FAM110B: variants seen among roughly 807,000 people sequenced by gnomAD.
FAM110B encodes the protein protein FAM110B.
A neutral mutation model predicts 20.4 loss-of-function variants in FAM110B; 6 were observed. That is an observed-to-expected ratio of 0.29 (90% CI 0.16 to 0.58). The LOEUF (loss-of-function observed/expected upper bound fraction) is 0.58, where lower values mean the gene tolerates loss of function less well. FAM110B is among the 20% of genes least tolerant of loss of function. The pLI, the probability that FAM110B is intolerant of heterozygous loss-of-function variation, is 0.90. For synonymous variants in FAM110B, 226 were observed against 214.1 expected (o/e 1.06, Z -0.49); for missense variants, 434 against 498.2 (o/e 0.87, Z 1.23).
chr8:58,027,819 C>T lies in FAM110B; in HGVS notation c.-511-3787C>T, dbSNP rs893007955. Among the ~76,000 whole-genome samples, 6 of 152,112 alleles carry T rather than the reference C, an allele frequency of 3.9e-5. No homozygotes were observed. The East Asian group carries it at 7.7e-4, about 20-fold the overall frequency. On this transcript the variant is annotated intron_variant, in intron 1 of 3. Coordinates refer to ENST00000519262, the MANE Select transcript of FAM110B (RefSeq NM_001377989.1). ...GAGTAGTATTCCTTCGTGTGGTATA[C>T]CACAAATTGTTGATCCATTCACCAG...
intron 3 of FAM110B, among the ~76,000 whole-genome samples, chr8:58,125,051 T>G (rs140135323): frequency 1.1e-3 from 163 of 152,258 alleles, no homozygotes; most frequent in African/African-American, 3.8e-3. Flanking sequence ...AATTTGTACA[T>G]GAAAATATTA....
rs915815366 is a variant in FAM110B, at chr8:58,147,749, A to G, written c.*406A>G. 1.5e-5 allele frequency: 3 copies of G among 197,096 alleles called. No homozygotes were observed. The highest frequency in any genetic ancestry group is 5.4e-5 in the Admixed American group (1 of 18,454). 12.2% of individuals were successfully genotyped at this position (197,096 alleles called of 1,614,324 possible). On this transcript the variant is annotated 3_prime_UTR_variant, in exon 4 of 4. Transcript: ENST00000519262. ...TTTGAAATAAAAAGCCACTTTGCCT[A>G]CATGTGAGACTATTCCAGTGGGACA... is the stretch of plus-strand genomic sequence containing the variant.
intron 2 of FAM110B, among the ~76,000 whole-genome samples, chr8:58,038,904 G>T (rs1454544111): frequency 6.6e-6 from 1 of 152,206 alleles, no homozygotes; most frequent in African/African-American, 2.4e-5. Flanking sequence ...GTGTGTTTGT[G>T]TTTGCTCATT....
chr8:58,079,315 G>A (rs1409672043), intron 3 of FAM110B, among the ~76,000 whole-genome samples: 2 of 152,218 alleles, frequency 1.3e-5, no homozygotes, highest in African/African-American at 2.4e-5. Context: ...AAAGAAGCAG[G>A]GATTTTAGAT....
chr8:58,105,882 TTA>T (rs1285152302), intron 3 of FAM110B, among the ~76,000 whole-genome samples: 1 of 152,164 alleles, frequency 6.6e-6, no homozygotes, highest in African/African-American at 2.4e-5. Flanking sequence ...AATGAATTTT[TTA>T]AAAAGGATAG....
chr8:58,143,322 C>A (rs1178911480), intron 3 of FAM110B, among the ~76,000 whole-genome samples: 1 of 151,836 alleles, frequency 6.6e-6, no homozygotes. Context: ...TGTTTTTTTT[C>A]CTTCCCAGAG....
intron 1 of FAM110B, among the ~76,000 whole-genome samples, chr8:58,004,485 C>T (rs774871079): frequency 1.3e-5 from 2 of 152,240 alleles, no homozygotes; most frequent in Non-Finnish European, 2.9e-5. Flanking sequence ...TGGCTCATAC[C>T]TGTAATCCCA....
At chr8:58,040,168 T>C (rs941095024) in intron 2 of FAM110B, among the ~76,000 whole-genome samples, 6 of 152,082 alleles carry the variant, frequency 3.9e-5, no homozygotes, top group African/African-American at 9.7e-5. Flanking sequence ...TCAGCAATTT[T>C]TGAGTGAACG....
chr8:58,057,070 G>A (rs974697058), intron 2 of FAM110B, among the ~76,000 whole-genome samples: 19 of 152,240 alleles, frequency 1.2e-4, no homozygotes, highest in African/African-American at 4.6e-4. Context: ...GCTGCAGAGT[G>A]TAATTACCAC....
At chr8:58,023,936 A>G (rs1414590133) in intron 1 of FAM110B, among the ~76,000 whole-genome samples, 2 of 152,168 alleles carry the variant, frequency 1.3e-5, no homozygotes, top group African/African-American at 2.4e-5. Context: ...CTTTGCCACC[A>G]GGTGTATTTA....
intron 2 of FAM110B, among the ~76,000 whole-genome samples, chr8:58,054,430 C>A (rs990205951): frequency 5.9e-5 from 9 of 152,300 alleles, no homozygotes; most frequent in African/African-American, 1.9e-4. Context: ...CAGAATATTT[C>A]TATACTTCTC....
At chr8:58,046,668 T>C (rs1030420703) in intron 2 of FAM110B, among the ~76,000 whole-genome samples, 3 of 152,238 alleles carry the variant, frequency 2.0e-5, no homozygotes, top group Non-Finnish European at 4.4e-5. Flanking sequence ...AGAAAATCAA[T>C]GTATCCCTCT....
chr8:58,063,964 A>G (rs1805710283), intron 2 of FAM110B, among the ~76,000 whole-genome samples: 1 of 152,190 alleles, frequency 6.6e-6, no homozygotes, highest in Non-Finnish European at 1.5e-5. Flanking sequence ...TACAGGAAGG[A>G]TGGTTGGGGA....
chr8:58,009,844 C>T (rs1166291361), intron 1 of FAM110B, among the ~76,000 whole-genome samples: 1 of 152,180 alleles, frequency 6.6e-6, no homozygotes, highest in Admixed American at 6.5e-5. Flanking sequence ...ACAAATCATG[C>T]CAAACTGACC....
chr8:58,131,914 G>C (rs868093021), intron 3 of FAM110B, among the ~76,000 whole-genome samples: 16 of 152,166 alleles, frequency 1.1e-4, no homozygotes, highest in African/African-American at 3.1e-4. Flanking sequence ...GTTGCATTGC[G>C]TGGGTCTGCA....
At chr8:58,075,275 T>TTTTTTTTGTGTGTGTGTGTGTGTGTG (rs1554521068) in intron 2 of FAM110B, among the ~76,000 whole-genome samples, 1 of 141,670 alleles carries the variant, frequency 7.1e-6, no homozygotes, top group African/African-American at 2.9e-5. Flanking sequence ...TTTTTTTTTT[T>TTTTTTTTGTGTGTGTGTGTGTGTGTG]TGTGTGTGTG....
intron 2 of FAM110B, 100 bp from the exon 3 acceptor site, chr8:58,075,435 T>C (rs1017857629): frequency 2.6e-5 from 4 of 152,122 alleles, no homozygotes; most frequent in African/African-American, 9.7e-5. Flanking sequence ...GACTAATTTT[T>C]AAAAGAATTA....
intron 1 of FAM110B, among the ~76,000 whole-genome samples, chr8:58,023,730 T>C (rs1317611728): frequency 1.3e-5 from 2 of 152,224 alleles, no homozygotes; most frequent in African/African-American, 4.8e-5. Flanking sequence ...CTAGATGAGT[T>C]AGGATTTCCA....
intron 3 of FAM110B, among the ~76,000 whole-genome samples, chr8:58,133,210 T>TG (rs759943049): frequency 6.6e-5 from 10 of 150,892 alleles, no homozygotes; most frequent in African/African-American, 2.0e-4. Context: ...ATTTTGTTTT[T>TG]TTTTTTTTTC....
Sources: gnomAD v4.1 joint callset for allele counts (sites outside exome capture counted in the v4.1 genomes callset) on GRCh38, gnomAD v4.1.1 for gene constraint, MANE v1.5 for transcripts, NCBI Gene and HGNC (gene_info 2026-07-23, HGNC 2026-07-21) for gene names.